The following MAN2A2 variants were observed in gnomAD, a reference collection of about 807,000 sequenced individuals.
The protein encoded by MAN2A2 is alpha-mannosidase 2x.
MAN2A2 carries 79 observed loss-of-function variants against 126.8 expected under a neutral mutation model. That is an observed-to-expected ratio of 0.62 (90% CI 0.52 to 0.75). MAN2A2 has a LOEUF of 0.75. MAN2A2 is among the 30% of genes least tolerant of loss of function. The probability of loss-of-function intolerance (pLI) is 0.00; values close to 1 mark genes in which losing one functional copy is unlikely to be tolerated. For synonymous variants in MAN2A2, 671 were observed against 618.7 expected (o/e 1.08, Z -1.25); for missense variants, 1,392 against 1,522.4 (o/e 0.91, Z 1.43).
chr15:90,910,941 G>A lies in MAN2A2; in HGVS notation c.1855G>A (p.Glu619Lys). The change falls in exon 12 of 23, where the codon GAG becomes AAG. Residue 619 changes from glutamate to lysine, a missense_variant. Physicochemically the swap from Glu to Lys is moderately conservative, Grantham distance 56. Coordinates refer to ENST00000559717, the MANE Select transcript of MAN2A2 (RefSeq NM_006122.4). ...CAAGGAGACCTACCACTTTGACCCTGAGGCGCCCTTCCTCCAAGTGGTGAG... is the reference window on the plus strand; with the variant it reads ...CAAGGAGACCTACCACTTTGACCCTAAGGCGCCCTTCCTCCAAGTGGTGAG... The part of the protein sequence containing the change: ...GDKETYHFDP[E>K]APFLQVDDTR... 6.2e-7 allele frequency: 1 copy of A among 1,614,038 alleles called. No individual in the cohort carries two copies. The highest frequency in any genetic ancestry group is 8.5e-7 in the Non-Finnish European group (1 of 1,179,950).
rs763645347 is a variant in MAN2A2 at position 90,913,296 on chromosome 15, A to G, written c.2608A>G (p.Ile870Val). ...LPGVEGLSLDISSLVDIRDYV... is the reference protein window; with the variant it reads ...LPGVEGLSLDVSSLVDIRDYV... ...AGGGGTGGAGGGGCTGTCTCTGGAC[A>G]TATCATCCCTGGTGGACATCCGGGA... The change falls in exon 18 of 23, where the codon ATA becomes GTA. Residue 870 changes from isoleucine (I) to valine (V), a missense_variant. Physicochemically the swap from Ile to Val is conservative, Grantham distance 29 (BLOSUM62 3). Transcript: ENST00000559717. The G allele has an allele frequency of 6.2e-7, 1 of 1,614,110 alleles. No individual in the cohort carries two copies. Among genetic ancestry groups the G allele is most frequent in the South Asian group, 1.1e-5 (1 of 91,078 alleles).
chr15:90,912,799 C>T, intron 16 of MAN2A2, 78 bp from the exon 17 acceptor site: 1 of 1,549,886 alleles, frequency 6.5e-7, no homozygotes, highest in Non-Finnish European at 8.8e-7. Context: ...TAGGTGCTCT[C>T]TTGCCCAGCC....
intron 20 of MAN2A2, among the ~76,000 whole-genome samples, chr15:90,917,453 G>C (rs1292243117): frequency 2.0e-5 from 3 of 152,214 alleles, no homozygotes; most frequent in Non-Finnish European, 2.9e-5. Flanking sequence ...GGTTGGATCT[G>C]TGGGAAGGGA....
chr15:90,906,098 G>GCC, intron 5 of MAN2A2, 82 bp downstream of exon 5: 1 of 1,570,384 alleles, frequency 6.4e-7, no homozygotes, highest in South Asian at 1.1e-5. Context: ...AGCTATGGGT[G>GCC]CCAAGGTGGC....
rs777899215 is a variant in MAN2A2 at position 90,909,807 on chromosome 15, G to A, written c.1375-283G>A. ...TTTAGTAGAGATGGGGTTTCACTGT[G>A]TTAGCCAGGGTGGTCTCGATCTCCT... On this transcript the variant is annotated intron_variant, in intron 9 of 22. Coordinates refer to ENST00000559717, the MANE Select transcript of MAN2A2 (RefSeq NM_006122.4). Among the ~76,000 whole-genome samples the A allele has an allele frequency of 6.1e-4, 93 of 152,268 alleles. 1 individual carries two copies. The highest frequency in any genetic ancestry group is 6.5e-4 in the Non-Finnish European group (44 of 68,008).
chr15:90,910,881 A>C lies in MAN2A2; in HGVS notation c.1795A>C (p.Ile599Leu), dbSNP rs769068966. The change falls in exon 12 of 23, where the codon ATC (isoleucine) becomes CTC (leucine). Residue 599 changes from isoleucine (I) to leucine (L), a missense_variant. Physicochemically the swap from Ile to Leu is conservative, Grantham distance 5. Coordinates refer to ENST00000559717, the MANE Select transcript of MAN2A2 (RefSeq NM_006122.4). ...LRSLVNLKQV[I>L]IHAAHYLVLG... ...CTCCCTTGTCAACCTGAAGCAGGTC[A>C]TCATTCATGCAGCCCACTATCTGGT... 6.2e-7 allele frequency: 1 copy of C among 1,614,140 alleles called. No homozygotes were observed. Among genetic ancestry groups the C allele is most frequent in the Non-Finnish European group, 8.5e-7 (1 of 1,180,018 alleles).
Position 90,905,850 on chromosome 15 carries a change from A to C in MAN2A2, c.541A>C (p.Ile181Leu), listed in dbSNP as rs1289545323. 2 of 1,574,740 alleles carry C rather than the reference A, an allele frequency of 1.3e-6. No homozygotes were observed. The highest frequency in any genetic ancestry group is 1.7e-6 in the Non-Finnish European group (2 of 1,159,760). ...ACCCTACATTGGCTCCCTAGGCTGG[A>C]TCAAGACCTTTGACAAGTACTACAC... ...VPHSHNDPGW[I>L]KTFDKYYTEQ... Residue 181 changes from isoleucine (I) to leucine (L), a missense_variant, in exon 5 of 23, where the codon ATC becomes CTC. Physicochemically the swap from Ile to Leu is conservative, Grantham distance 5. Coordinates refer to ENST00000559717, the MANE Select transcript of MAN2A2 (RefSeq NM_006122.4).
At chr15:90,918,945 C>G (rs781212493) in intron 22 of MAN2A2, among the ~76,000 whole-genome samples, 190 bp downstream of exon 22, 1 of 152,164 alleles carries the variant, frequency 6.6e-6, no homozygotes, top group Non-Finnish European at 1.5e-5. Flanking sequence ...CAAGGTAGAT[C>G]GCTTGAGAAC....
At position 90,920,990 on chromosome 15, in the gene MAN2A2, C is replaced by G. The variant is rs2035518297; in HGVS notation, c.*1203C>G. On this transcript the variant is annotated 3_prime_UTR_variant, in exon 23 of 23. Transcript: ENST00000559717. ...GAAACACCCTAATCTAGATAAAGGT[C>G]TGTTTCAGAAACCAACAGTGATGGC... 6.6e-6 allele frequency: 1 copy of G among 152,200 alleles called. No homozygotes were observed. The highest frequency in any genetic ancestry group is 1.5e-5 in the Non-Finnish European group (1 of 68,028). The allele number at this position is 152,200 out of a possible 1,614,324, so 9.4% of individuals were successfully genotyped here. A position where few individuals can be genotyped will look rare whatever the true frequency, so the allele number is the denominator to read the frequency against.
In MAN2A2 at chr15:90,907,502, G is replaced by T; in HGVS notation, c.1196+7G>T. The T allele has an allele frequency of 6.2e-7, 1 of 1,606,650 alleles. No homozygotes were observed. On this transcript the variant is annotated splice_region_variant and intron_variant, in intron 8 of 22. Transcript: ENST00000559717. ...AGGCCAACGTGGCAGAGAGGTATCTGCTTCCAGCCCTTTCACTTCACAGAG... is the reference window on the plus strand; with the variant it reads ...AGGCCAACGTGGCAGAGAGGTATCTTCTTCCAGCCCTTTCACTTCACAGAG...
chr15:90,910,160 G>A lies in MAN2A2; in HGVS notation c.1445G>A (p.Arg482Gln), dbSNP rs773897796. The A allele has an allele frequency of 5.5e-5, 88 of 1,613,978 alleles. No individual in the cohort carries two copies. The highest frequency in any genetic ancestry group is 8.0e-5 in the African/African-American group (6 of 74,926). Residue 482 changes from arginine (R) to glutamine (Q), a missense_variant, in exon 10 of 23, where the codon CGG becomes CAG. Coordinates refer to ENST00000559717, the MANE Select transcript of MAN2A2 (RefSeq NM_006122.4). Reference protein sequence around the residue: ...YKRTGVEPGARPPGFPVLSGD... With the variant: ...YKRTGVEPGAQPPGFPVLSGD... ...AGGACAGGGGTGGAGCCAGGGGCCC[G>A]GCCTCCAGGGTTTCCTGTGCTGAGC...
chr15:90,909,295 G>A (rs368153370), intron 8 of MAN2A2, 32 bp from the exon 9 acceptor site: 63 of 1,589,980 alleles, frequency 4.0e-5, no homozygotes, highest in Non-Finnish European at 5.0e-5. Context: ...ATGAGACTTC[G>A]TGGTGGGCCC....
intron 5 of MAN2A2, 53 bp from the exon 6 acceptor site, chr15:90,906,317 C>T: frequency 1.2e-6 from 2 of 1,607,750 alleles, no homozygotes; most frequent in Non-Finnish European, 8.5e-7. Flanking sequence ...TGCTGGTTGG[C>T]AGGACTGGGC....
Position 90,906,013 on chromosome 15 carries a change from G to A in MAN2A2, c.704G>A (p.Arg235Gln), listed in dbSNP as rs753230592. The A allele has an allele frequency of 6.8e-6, 11 of 1,613,760 alleles. No homozygotes were observed. The highest frequency in any genetic ancestry group is 1.7e-5 in the Admixed American group (1 of 60,036). ...NINVQKRAAV[R>Q]RLVGNGQLEI... ...AATGTCCAAAAGAGAGCGGCAGTCC[G>A]AAGGCCAGTACCAGGCGGGGAGGCA... The change falls in exon 5 of 23, where the codon CGA (arginine) becomes CAA (glutamine). Residue 235 changes from arginine to glutamine, a missense_variant. Physicochemically the swap from Arg to Gln is conservative, Grantham distance 43 (BLOSUM62 1). Transcript: ENST00000559717.
chr15:90,903,148 G>T (rs2033972535), upstream of MAN2A2: 1 of 152,184 alleles, frequency 6.6e-6, no homozygotes, highest in South Asian at 2.1e-4. Context: ...CGACGAAGTC[G>T]GAGCGGGTGG....
At chr15:90,916,496 CCTCTGTGCT>C in intron 20 of MAN2A2, 1 of 1,289,040 alleles carries the variant, frequency 7.8e-7, no homozygotes, top group Non-Finnish European at 1.1e-6. Flanking sequence ...CTCCCACTTT[CCTCTGTGCT>C]GCCCTCCTCT....
chr15:90,913,580 G>T (rs752589543), intron 18 of MAN2A2, 34 bp from the exon 19 acceptor site: 5 of 1,594,128 alleles, frequency 3.1e-6, no homozygotes, highest in Non-Finnish European at 4.3e-6. Context: ...CATGGTGCCC[G>T]GGTGCCCTTG....
At chr15:90,912,443 C>A in intron 15 of MAN2A2, 99 bp from the exon 16 acceptor site, 1 of 1,587,478 alleles carries the variant, frequency 6.3e-7, no homozygotes, top group South Asian at 1.1e-5. Context: ...CATGGGGAAG[C>A]AGGGCACGGC....
intron 7 of MAN2A2, 111 bp from the exon 8 acceptor site, chr15:90,907,198 C>T: frequency 9.0e-7 from 1 of 1,106,216 alleles, no homozygotes; most frequent in Non-Finnish European, 1.3e-6. Context: ...GCCCTAGGTC[C>T]AGTTACAGCC....
Sources: gnomAD v4.1 joint callset for allele counts (sites outside exome capture counted in the v4.1 genomes callset) on GRCh38, gnomAD v4.1.1 for gene constraint, MANE v1.5 for transcripts, NCBI Gene and HGNC (gene_info 2026-07-23, HGNC 2026-07-21) for gene names.